THSD1: variants seen among roughly 807,000 people sequenced by gnomAD.
THSD1 encodes the protein thrombospondin type-1 domain-containing protein 1.
A neutral mutation model predicts 46.3 loss-of-function variants in THSD1; 34 were observed. That is an observed-to-expected ratio of 0.74 (90% CI 0.56 to 0.98). The LOEUF (loss-of-function observed/expected upper bound fraction) is 0.98. Among genes scored for constraint, THSD1 ranks in the 50% least tolerant of loss-of-function variants. THSD1 has a pLI of 0.00. For synonymous variants in THSD1, 407 were observed against 416.5 expected, an observed-to-expected ratio of 0.98 and a Z score of 0.28; for missense variants, 1,023 against 1,058.3, an observed-to-expected ratio of 0.97 and a Z score of 0.46.
chr13:52,397,191 A>G, intron 3 of THSD1, 41 bp downstream of exon 3: 1 of 1,474,136 alleles, frequency 6.8e-7, no homozygotes, highest in Non-Finnish European at 9.1e-7. Flanking sequence ...TGATTACATG[A>G]AGGATTTGAT....
At position 52,397,322 on chromosome 13, in the gene THSD1, C is replaced by T; in HGVS notation, c.931G>A (p.Gly311Arg). The change falls in exon 3 of 5, where the codon GGG (glycine) becomes AGG (arginine). Residue 311 changes from glycine (G) to arginine (R), a missense_variant. Gly to Arg is a moderately radical substitution (Grantham distance 125). Coordinates refer to ENST00000258613, the MANE Select transcript of THSD1 (RefSeq NM_018676.4). Reference sequence around the variant, plus strand: ...AAGTCAAAGCAGTACTTATTCTTCCCCATGTCAAACAAAGTACAGTTAAAA... The same window carrying T: ...AAGTCAAAGCAGTACTTATTCTTCCTCATGTCAAACAAAGTACAGTTAAAA... ...TIFNCTLFDM[G>R]KNKYCFDFGI... 1 of 1,614,060 alleles carries T rather than the reference C, an allele frequency of 6.2e-7. No homozygotes were observed.
In THSD1 at chr13:52,397,317, C is replaced by T; in HGVS notation, c.936G>A (p.Lys312=). The T allele has an allele frequency of 6.2e-7, 1 of 1,614,140 alleles. No homozygotes were observed. Among genetic ancestry groups the T allele is most frequent in the Non-Finnish European group, 8.5e-7 (1 of 1,180,030 alleles). Residue 312 remains lysine (K), a synonymous_variant, in exon 3 of 5, where the codon AAG becomes AAA. Coordinates refer to ENST00000258613, the MANE Select transcript of THSD1 (RefSeq NM_018676.4). The stretch of plus-strand genomic sequence containing the variant: ...TGCCAAAGTCAAAGCAGTACTTATT[C>T]TTCCCCATGTCAAACAAAGTACAGT... ...IFNCTLFDMG[K]NKYCFDFGIS...
At chr13:52,402,280 T>C (rs1377969151) in intron 2 of THSD1, among the ~76,000 whole-genome samples, 2 of 152,216 alleles carry the variant, frequency 1.3e-5, no homozygotes, top group Non-Finnish European at 2.9e-5. Context: ...GGTAACATGC[T>C]TGCCTCCAAT....
intron 3 of THSD1, among the ~76,000 whole-genome samples, chr13:52,387,131 G>A (rs143654492): frequency 6.6e-6 from 1 of 152,162 alleles, no homozygotes; most frequent in South Asian, 2.1e-4. Flanking sequence ...AAAGATGAAA[G>A]CCTCTCTGAT....
chr13:52,399,451 C>T (rs573581632), intron 2 of THSD1, among the ~76,000 whole-genome samples: 2 of 152,164 alleles, frequency 1.3e-5, no homozygotes, highest in East Asian at 3.9e-4. Context: ...TTATATATGC[C>T]TCATGAATAT....
chr13:52,378,158 G>C lies in THSD1; in HGVS notation c.1812C>G (p.Pro604=). Residue 604 remains proline, a synonymous_variant, in exon 5 of 5, where the codon CCC becomes CCG. Transcript: ENST00000258613. ...GAGTCACATTTAGATCCAGCCTGGA[G>C]GGAGGCCTTTCCCCGGCACTGACCG... ...QPAVSAGERP[P]SRLDLNVTQA... 2.5e-6 allele frequency: 4 copies of C among 1,614,172 alleles called. No homozygotes were observed. The highest frequency in any genetic ancestry group is 3.4e-6 in the Non-Finnish European group (4 of 1,180,024).
chr13:52,403,672 G>C (rs535748894), intron 1 of THSD1, among the ~76,000 whole-genome samples: 1 of 152,186 alleles, frequency 6.6e-6, no homozygotes, highest in East Asian at 1.9e-4. Context: ...TAGTAGAAAC[G>C]GGGTTTCATT....
Position 52,378,211 on chromosome 13 carries a change from T to C in THSD1, c.1759A>G (p.Ile587Val). The C allele has an allele frequency of 6.2e-7, 1 of 1,614,184 alleles. No individual in the cohort carries two copies. The highest frequency in any genetic ancestry group is 8.5e-7 in the Non-Finnish European group (1 of 1,180,034). The change falls in exon 5 of 5, where the codon ATC becomes GTC. Residue 587 changes from isoleucine (I) to valine (V), a missense_variant. By Grantham distance (29) the Ile-to-Val change is conservative (BLOSUM62 3). This residue lies in a region of THSD1 where 578 missense variants were observed against 497.4 expected (regional missense o/e 1.16). Transcript: ENST00000258613. ...PEEAAANKFR[I>V]KSPFPEQPAV... ...GGCTGCTCCGGAAATGGGGATTTGA[T>C]CCGGAACTTGTTTGCTGCAGCTTCT...
chr13:52,403,859 G>A (rs2137752546), intron 1 of THSD1, among the ~76,000 whole-genome samples: 1 of 150,658 alleles, frequency 6.6e-6, no homozygotes, highest in Non-Finnish European at 1.5e-5. Flanking sequence ...TCATACTAGA[G>A]TCTAGCAAAC....
rs921352505 is a variant in THSD1, at chr13:52,377,244, G to T, written c.*167C>A. ...TTGAATAACAAAGGAAAAAGCTCAA[G>T]ATAAATAATTTCTTCCTTGTGAATT... is the stretch of plus-strand genomic sequence containing the variant. On this transcript the variant is annotated 3_prime_UTR_variant, in exon 5 of 5. Transcript: ENST00000258613. 3.8e-6 allele frequency: 5 copies of T among 1,321,082 alleles called. No individual in the cohort carries two copies. Among genetic ancestry groups the T allele is most frequent in the Non-Finnish European group, 4.8e-6 (5 of 1,031,378 alleles). 81.8% of individuals were successfully genotyped at this position (1,321,082 alleles called of 1,614,324 possible).
chr13:52,386,000 G>C, intron 4 of THSD1, 28 bp downstream of exon 4: 1 of 1,607,802 alleles, frequency 6.2e-7, no homozygotes, highest in South Asian at 1.1e-5. Context: ...TCTGAGGAGA[G>C]ACTCCCGAAG....
chr13:52,404,954 T>C (rs73184398), intron 1 of THSD1, among the ~76,000 whole-genome samples: 1 of 152,348 alleles, frequency 6.6e-6, no homozygotes, highest in Non-Finnish European at 1.5e-5. Context: ...TCAATCATAA[T>C]ATGGAATATG....
chr13:52,394,613 G>GA (rs747265774), intron 3 of THSD1, among the ~76,000 whole-genome samples: 5,488 of 108,934 alleles, frequency 0.05, 93 homozygotes, highest in African/African-American at 0.063. Flanking sequence ...GACTGTCCCA[G>GA]AAAAAAAAAA....
chr13:52,378,841 A>C, intron 4 of THSD1, 52 bp from the exon 5 acceptor site: 10 of 1,430,616 alleles, frequency 7.0e-6, no homozygotes, highest in Middle Eastern at 2.3e-4. Flanking sequence ...AGAGGAACAG[A>C]TGTATTTTTA....
At chr13:52,390,389 T>C (rs1460395894) in intron 3 of THSD1, among the ~76,000 whole-genome samples, 1 of 152,186 alleles carries the variant, frequency 6.6e-6, no homozygotes, top group African/African-American at 2.4e-5. Flanking sequence ...TAATGGAATA[T>C]GAGTTCTTTA....
At position 52,405,271 on chromosome 13, in the gene THSD1, A is replaced by G. The variant is rs114493290; in HGVS notation, c.-82+760T>C. On this transcript the variant is annotated intron_variant, in intron 1 of 4. Coordinates refer to ENST00000258613, the MANE Select transcript of THSD1 (RefSeq NM_018676.4). ...CCCCATGTTTTTGCTGAAACCAGCTAGGACAAACGCTTCTAAATCTCCCTT... is the reference window on the plus strand; with the variant it reads ...CCCCATGTTTTTGCTGAAACCAGCTGGGACAAACGCTTCTAAATCTCCCTT... 6.5e-3 allele frequency among the ~76,000 whole-genome samples: 994 copies of G among 152,344 alleles called. 4 individuals are homozygous for G. The highest frequency in any genetic ancestry group is 0.016 in the African/African-American group (675 of 41,574).
chr13:52,380,954 T>C (rs1957687581), intron 4 of THSD1, among the ~76,000 whole-genome samples: 1 of 152,164 alleles, frequency 6.6e-6, no homozygotes, highest in Non-Finnish European at 1.5e-5. Flanking sequence ...TCCCTCACTA[T>C]GCCAGAGCTA....
Position 52,378,156 on chromosome 13 carries a change from G to C in THSD1, c.1814C>G (p.Ser605Cys), listed in dbSNP as rs867541205. 6.2e-7 allele frequency: 1 copy of C among 1,614,208 alleles called. No homozygotes were observed. The highest frequency in any genetic ancestry group is 1.3e-5 in the African/African-American group (1 of 75,060). ...CTGAGTCACATTTAGATCCAGCCTG[G>C]AGGGAGGCCTTTCCCCGGCACTGAC... ...PAVSAGERPP[S>C]RLDLNVTQAS... Residue 605 changes from serine (S) to cysteine (C), a missense_variant, in exon 5 of 5, where the codon TCC becomes TGC. Physicochemically the swap from Ser to Cys is moderately radical, Grantham distance 112 (BLOSUM62 -1). Around this residue, in one of 3 missense-constraint regions of THSD1, gnomAD observed 578 missense variants for 497.4 expected, o/e 1.16. Coordinates refer to ENST00000258613, the MANE Select transcript of THSD1 (RefSeq NM_018676.4).
chr13:52,405,071 T>C (rs906287370), intron 1 of THSD1, among the ~76,000 whole-genome samples: 8 of 152,252 alleles, frequency 5.3e-5, no homozygotes, highest in Admixed American at 1.3e-4. Context: ...AATGTTTGCA[T>C]TGAGAATTGT....
Sources: gnomAD v4.1 joint callset for allele counts (sites outside exome capture counted in the v4.1 genomes callset) on GRCh38, gnomAD v4.1.1 for gene constraint, gnomAD v4.1.1 regional missense constraint, MANE v1.5 for transcripts, NCBI Gene and HGNC (gene_info 2026-07-23, HGNC 2026-07-21) for gene names.